The following EFCAB11 variants were observed in gnomAD, a reference collection of about 807,000 sequenced individuals.
EFCAB11 encodes the protein EF-hand calcium-binding domain-containing protein 11.
Under a neutral mutation model 23.0 loss-of-function variants are expected in EFCAB11, and 14 were observed. The ratio of observed to expected loss-of-function variants is 0.61; its 90% CI spans 0.40 to 0.95. The LOEUF is 0.95. Ranked by LOEUF, EFCAB11 falls within the 40% of genes least tolerant of loss-of-function variation. The probability of loss-of-function intolerance (pLI) is 0.00; values close to 1 mark genes in which losing one functional copy is unlikely to be tolerated. For missense variants in EFCAB11, 198 were observed against 195.8 expected, an observed-to-expected ratio of 1.01 and a Z score of -0.07; for synonymous variants, 65 against 66.6, an observed-to-expected ratio of 0.98 and a Z score of 0.11.
intron 5 of EFCAB11, among the ~76,000 whole-genome samples, chr14:89,810,727 G>A (rs1267141407): frequency 7.0e-6 from 1 of 143,074 alleles, no homozygotes; most frequent in Non-Finnish European, 1.5e-5. Flanking sequence ...CTGCACTCCA[G>A]CCTGGGTGAC....
intron 5 of EFCAB11, among the ~76,000 whole-genome samples, chr14:89,872,786 C>A (rs924783406): frequency 2.0e-5 from 3 of 151,914 alleles, no homozygotes; most frequent in Non-Finnish European, 4.4e-5. Flanking sequence ...GATTAGGACA[C>A]ACACACACAC....
At chr14:89,809,209 T>C (rs529909574) in intron 5 of EFCAB11, among the ~76,000 whole-genome samples, 108 of 152,244 alleles carry the variant, frequency 7.1e-4, no homozygotes, top group African/African-American at 2.6e-3. Context: ...CCTTAGTGAG[T>C]TGGGGAGGCA....
At chr14:89,927,105 A>G (rs1192173328) in intron 5 of EFCAB11, among the ~76,000 whole-genome samples, 2 of 152,242 alleles carry the variant, frequency 1.3e-5, no homozygotes, top group African/African-American at 4.8e-5. Flanking sequence ...AGAATTAATG[A>G]ATGATACACC....
intron 5 of EFCAB11, among the ~76,000 whole-genome samples, chr14:89,813,182 T>G (rs1340129390): frequency 6.6e-6 from 1 of 152,140 alleles, no homozygotes; most frequent in East Asian, 1.9e-4. Context: ...CGGTCATTGG[T>G]GAGAACAGGA....
At chr14:89,816,285 G>A (rs149673814) in intron 5 of EFCAB11, among the ~76,000 whole-genome samples, 2 of 152,106 alleles carry the variant, frequency 1.3e-5, no homozygotes, top group African/African-American at 4.8e-5. Context: ...TAGTTTTTTG[G>A]TGGAGTCTGT....
chr14:89,932,557 T>G lies in EFCAB11; in HGVS notation c.288A>C (p.Val96=). The G allele has an allele frequency of 1.9e-6, 3 of 1,613,922 alleles. No individual in the cohort carries two copies. Among genetic ancestry groups the G allele is most frequent in the Non-Finnish European group, 2.5e-6 (3 of 1,179,932 alleles). ...TGTCAAAGGCTGTGAAGATGTGTCTTACTTCGTTCCGATATCGTTGAGCTT... is the reference window on the plus strand; with the variant it reads ...TGTCAAAGGCTGTGAAGATGTGTCTGACTTCGTTCCGATATCGTTGAGCTT... ...KKEAQRYRNE[V]RHIFTAFDTY... is the part of the protein sequence containing the mutation. Residue 96 remains valine (V), a synonymous_variant, in exon 4 of 6, where the codon GTA becomes GTC. Coordinates refer to ENST00000316738, the MANE Select transcript of EFCAB11 (RefSeq NM_145231.4).
At chr14:89,815,241 AC>A (rs1886294967) in intron 5 of EFCAB11, among the ~76,000 whole-genome samples, 1 of 152,202 alleles carries the variant, frequency 6.6e-6, no homozygotes, top group South Asian at 2.1e-4. Flanking sequence ...AAAAGAAGGC[AC>A]AAAAACTTTT....
chr14:89,918,331 G>A (rs1889915708), intron 5 of EFCAB11, among the ~76,000 whole-genome samples: 1 of 152,074 alleles, frequency 6.6e-6, no homozygotes, highest in African/African-American at 2.4e-5. Context: ...CTGAGGTCAG[G>A]AGTTCCACAC....
chr14:89,850,229 C>G (rs78650142), intron 5 of EFCAB11, among the ~76,000 whole-genome samples: 4,609 of 152,294 alleles, frequency 0.03, 237 homozygotes, highest in African/African-American at 0.1. Flanking sequence ...AACACATGGT[C>G]CTGTGCACAC....
rs1443318324 is a variant in EFCAB11 at position 89,795,682 on chromosome 14, C to G, written c.*1561G>C. 1 of 151,926 alleles carries G rather than the reference C, an allele frequency of 6.6e-6. No individual in the cohort carries two copies. The highest frequency in any genetic ancestry group is 2.4e-5 in the African/African-American group (1 of 41,376). 9.4% of individuals were successfully genotyped at this position (151,926 alleles called of 1,614,324 possible). On this transcript the variant is annotated 3_prime_UTR_variant, in exon 6 of 6. Transcript: ENST00000316738. The stretch of plus-strand genomic sequence containing the variant: ...CTCTGTCTCAAAAAAAACCCGCAAA[C>G]GTTTATTTTTATTAAGGTTATCTGC...
intron 5 of EFCAB11, among the ~76,000 whole-genome samples, chr14:89,810,585 A>C (rs532404031): frequency 1.3e-5 from 2 of 151,946 alleles, no homozygotes; most frequent in Non-Finnish European, 2.9e-5. Flanking sequence ...GTAAAACCCC[A>C]TCTCTACTAA....
chr14:89,917,774 C>T lies in EFCAB11; in HGVS notation c.410+13767G>A, dbSNP rs539558716. 4.7e-4 allele frequency among the ~76,000 whole-genome samples: 72 copies of T among 152,190 alleles called. No individual in the cohort carries two copies. The South Asian group carries it at 6.0e-3, about 13-fold the overall frequency. On this transcript the variant is annotated intron_variant, in intron 5 of 5. Transcript: ENST00000316738. ...TTGACCAAAAAAATAATAATAATTG[C>T]GAATTAGTTGTTTGGTTTGAATTGA...
intron 5 of EFCAB11, among the ~76,000 whole-genome samples, chr14:89,815,942 T>G (rs1033527174): frequency 1.3e-5 from 2 of 152,204 alleles, no homozygotes; most frequent in African/African-American, 2.4e-5. Flanking sequence ...GGTATTGTGG[T>G]AGGCATTACA....
chr14:89,938,015 T>C (rs1043547793), intron 3 of EFCAB11: 5 of 152,166 alleles, frequency 3.3e-5, no homozygotes, highest in Non-Finnish European at 7.3e-5. Context: ...CAAAACTATA[T>C]AAATTTTTTA....
chr14:89,941,747 C>G (rs2139829771), intron 3 of EFCAB11, among the ~76,000 whole-genome samples: 1 of 151,844 alleles, frequency 6.6e-6, no homozygotes, highest in South Asian at 2.1e-4. Flanking sequence ...TGGGGATAGC[C>G]AGGCACAGTG....
At chr14:89,877,579 T>C (rs1888479531) in intron 5 of EFCAB11, among the ~76,000 whole-genome samples, 2 of 152,342 alleles carry the variant, frequency 1.3e-5, no homozygotes, top group Admixed American at 6.5e-5. Flanking sequence ...TTGCAATTGT[T>C]GGTATCTTAG....
Position 89,822,525 on chromosome 14 carries a change from G to A in EFCAB11, c.411-25201C>T, listed in dbSNP as rs191801993. 3.9e-5 allele frequency among the ~76,000 whole-genome samples: 6 copies of A among 152,300 alleles called. No individual in the cohort carries two copies. The East Asian group carries it at 1.2e-3, about 29-fold the overall frequency. ...CTTGGCACTCCACTGGTTGGGAGAGGCTGAGAGTCTAGAATTTGTAGGGCA... is the reference window on the plus strand; with the variant it reads ...CTTGGCACTCCACTGGTTGGGAGAGACTGAGAGTCTAGAATTTGTAGGGCA... On this transcript the variant is annotated intron_variant, in intron 5 of 5. Transcript: ENST00000316738.
intron 5 of EFCAB11, among the ~76,000 whole-genome samples, chr14:89,885,799 A>T (rs1888749274): frequency 6.6e-6 from 1 of 151,570 alleles, no homozygotes; most frequent in Non-Finnish European, 1.5e-5. Flanking sequence ...AAGAAAGAAG[A>T]CAGCAACTAA....
intron 5 of EFCAB11, among the ~76,000 whole-genome samples, chr14:89,864,588 C>A (rs561054262): frequency 7.9e-5 from 12 of 152,094 alleles, no homozygotes; most frequent in Admixed American, 1.3e-4. Flanking sequence ...TCAACATGCC[C>A]AGATAATTTT....
Sources: allele counts gnomAD v4.1 joint callset (sites outside exome capture counted in the v4.1 genomes callset), GRCh38; gene constraint gnomAD v4.1.1; transcripts MANE v1.5; gene names NCBI Gene and HGNC (gene_info 2026-07-23, HGNC 2026-07-21).